Variants in SLC2A13 observed in about 807,000 individuals in gnomAD.
The protein encoded by SLC2A13 is solute carrier family 2 member 13.
SLC2A13 carries 32 observed loss-of-function variants against 64.4 expected under a neutral mutation model. The observed-to-expected ratio is 0.50, with a 90% CI of 0.37 to 0.67. The LOEUF is 0.67. SLC2A13 is among the 30% of genes least tolerant of loss of function. The pLI is 0.00. For missense variants in SLC2A13, 743 were observed against 829.2 expected (o/e 0.90, Z 1.28); for synonymous variants, 338 against 327.1 (o/e 1.03, Z -0.36).
intron 1 of SLC2A13, among the ~76,000 whole-genome samples, chr12:40,058,068 GAT>G (rs1948361127): frequency 6.6e-6 from 1 of 150,646 alleles, no homozygotes; most frequent in Non-Finnish European, 1.5e-5. Flanking sequence ...TAGATAGATA[GAT>G]AGATAGATAG....
At chr12:40,014,728 A>G (rs1172986683) in intron 3 of SLC2A13, among the ~76,000 whole-genome samples, 3 of 152,184 alleles carry the variant, frequency 2.0e-5, no homozygotes, top group African/African-American at 4.8e-5. Flanking sequence ...TCCCAAGCTC[A>G]GTGATCCATC....
chr12:40,080,581 G>C (rs141025863), intron 1 of SLC2A13, among the ~76,000 whole-genome samples: 4,301 of 152,008 alleles, frequency 0.028, 176 homozygotes, highest in Admixed American at 0.11. Flanking sequence ...TGGTAGAGAC[G>C]GGGTTTCATC....
At chr12:39,776,270 C>CAGTCACT (rs1940772913) in intron 7 of SLC2A13, among the ~76,000 whole-genome samples, 1 of 152,020 alleles carries the variant, frequency 6.6e-6, no homozygotes, top group African/African-American at 2.4e-5. Context: ...ATTTATACTA[C>CAGTCACT]ACACTGCTTC....
At chr12:40,011,836 T>C (rs1272624276) in intron 3 of SLC2A13, among the ~76,000 whole-genome samples, 6 of 152,158 alleles carry the variant, frequency 3.9e-5, no homozygotes, top group Admixed American at 3.9e-4. Context: ...GTGAGTCCCG[T>C]GCTCAAAAAT....
At chr12:40,093,571 A>G (rs1356359084) in intron 1 of SLC2A13, among the ~76,000 whole-genome samples, 1 of 152,216 alleles carries the variant, frequency 6.6e-6, no homozygotes, top group African/African-American at 2.4e-5. Context: ...TAAAGCAGGG[A>G]AAACTGGTGG....
intron 3 of SLC2A13, among the ~76,000 whole-genome samples, chr12:39,972,944 G>A (rs1946691496): frequency 6.6e-6 from 1 of 152,084 alleles, no homozygotes. Context: ...GTGCATGCCT[G>A]TAATCCCAGC....
chr12:40,004,729 T>G (rs1377607562), intron 3 of SLC2A13, among the ~76,000 whole-genome samples: 1 of 151,982 alleles, frequency 6.6e-6, no homozygotes, highest in Non-Finnish European at 1.5e-5. Flanking sequence ...TAACTACGAA[T>G]AGCCCACTGT....
rs183866037 is a variant in SLC2A13, at chr12:39,902,705, C to T, written c.1035-30744G>A. ...CCTTATAACTAAAATATCCCAAATG[C>T]GTCACCTTCATTTACCTTTAGACAC... On this transcript the variant is annotated intron_variant, in intron 4 of 9. Coordinates refer to ENST00000280871, the MANE Select transcript of SLC2A13 (RefSeq NM_052885.4). Among the ~76,000 whole-genome samples, 27 of 152,002 alleles carry T rather than the reference C, an allele frequency of 1.8e-4. No homozygotes were observed. The South Asian group carries it at 2.1e-3, about 12-fold the overall frequency.
chr12:39,936,268 T>G (rs1945915753), intron 4 of SLC2A13, among the ~76,000 whole-genome samples: 1 of 152,170 alleles, frequency 6.6e-6, no homozygotes, highest in African/African-American at 2.4e-5. Flanking sequence ...TTTTTCTCTT[T>G]GGGAATTAAG....
chr12:40,028,007 C>A (rs550818122), intron 3 of SLC2A13, among the ~76,000 whole-genome samples: 1 of 152,068 alleles, frequency 6.6e-6, no homozygotes, highest in Admixed American at 6.5e-5. Flanking sequence ...ACATGAGGTA[C>A]TCATACGCTT....
At chr12:39,760,557 A>G (rs1053983998) in intron 9 of SLC2A13, among the ~76,000 whole-genome samples, 2 of 152,038 alleles carry the variant, frequency 1.3e-5, no homozygotes, top group African/African-American at 4.8e-5. Context: ...TCCATGTGCT[A>G]TCACAGCATG....
intron 9 of SLC2A13, among the ~76,000 whole-genome samples, chr12:39,763,681 G>A (rs1000744322): frequency 4.6e-5 from 7 of 152,056 alleles, no homozygotes; most frequent in African/African-American, 1.4e-4. Flanking sequence ...CAGGCATTCC[G>A]TCTCTACCAC....
At chr12:39,908,896 G>A (rs78474030) in intron 4 of SLC2A13, among the ~76,000 whole-genome samples, 1,902 of 152,052 alleles carry the variant, frequency 0.013, 39 homozygotes, top group African/African-American at 0.043. Context: ...GCACTTAGCT[G>A]GTAATATGGC....
chr12:39,975,884 A>G (rs1370109404), intron 3 of SLC2A13, among the ~76,000 whole-genome samples: 1 of 152,248 alleles, frequency 6.6e-6, no homozygotes, highest in Non-Finnish European at 1.5e-5. Context: ...GTAAATAAGC[A>G]TCAAACCGGA....
chr12:39,962,003 T>TA (rs1946422707), intron 3 of SLC2A13, among the ~76,000 whole-genome samples: 1 of 152,220 alleles, frequency 6.6e-6, no homozygotes, highest in African/African-American at 2.4e-5. Flanking sequence ...TTTACTTAAT[T>TA]AAAAAAGCAA....
At chr12:39,766,163 C>T (rs1221567138) in intron 7 of SLC2A13, among the ~76,000 whole-genome samples, 2 of 152,080 alleles carry the variant, frequency 1.3e-5, no homozygotes, top group Non-Finnish European at 2.9e-5. Context: ...CTGTGCTACA[C>T]CCAGATCTGC....
At chr12:40,013,413 TTATC>T (rs1295125330) in intron 3 of SLC2A13, among the ~76,000 whole-genome samples, 1 of 152,208 alleles carries the variant, frequency 6.6e-6, no homozygotes, top group Non-Finnish European at 1.5e-5. Context: ...TAAAATATAA[TTATC>T]TGAGACAGGT....
chr12:39,999,634 T>A (rs1182914435), intron 3 of SLC2A13, among the ~76,000 whole-genome samples: 1 of 152,234 alleles, frequency 6.6e-6, no homozygotes, highest in Non-Finnish European at 1.5e-5. Flanking sequence ...AGACAATACG[T>A]GCACCGCTGA....
chr12:40,003,287 C>A (rs1251797699), intron 3 of SLC2A13, among the ~76,000 whole-genome samples: 1 of 152,168 alleles, frequency 6.6e-6, no homozygotes, highest in African/African-American at 2.4e-5. Context: ...ATATGAATTA[C>A]CCTATTTAAC....
Sources: gnomAD v4.1 joint callset for allele counts (sites outside exome capture counted in the v4.1 genomes callset) on GRCh38, gnomAD v4.1.1 for gene constraint, MANE v1.5 for transcripts, NCBI Gene and HGNC (gene_info 2026-07-23, HGNC 2026-07-21) for gene names.